PRDM16: variants seen among roughly 807,000 people sequenced by gnomAD.
PRDM16 encodes the protein histone-lysine N-methyltransferase PRDM16.
In PRDM16, 23 loss-of-function variants were observed where a neutral mutation model predicts 110.6. The ratio of observed to expected loss-of-function variants is 0.21; its 90% CI spans 0.15 to 0.29. PRDM16 has a LOEUF of 0.29. Among genes scored for constraint, PRDM16 ranks in the 10% least tolerant of loss-of-function variants. The pLI is 1.00. For synonymous variants in PRDM16, 799 were observed against 781.8 expected (o/e 1.02, Z -0.37); for missense variants, 1,615 against 1,794.3 (o/e 0.90, Z 1.81).
In PRDM16 at chr1:3,238,569, T is replaced by A. The variant is rs77644886; in HGVS notation, c.388-5518T>A. ...TCCCGGTTGAGAGCGCAAGGGTTTGTGTCAACACCAGTGCAGTCTTTGCTC... is the reference window on the plus strand; with the variant it reads ...TCCCGGTTGAGAGCGCAAGGGTTTGAGTCAACACCAGTGCAGTCTTTGCTC... On this transcript the variant is annotated intron_variant, in intron 2 of 16. Coordinates refer to ENST00000270722, the MANE Select transcript of PRDM16 (RefSeq NM_022114.4). Among the ~76,000 whole-genome samples the A allele has an allele frequency of 3.9e-5, 6 of 152,358 alleles. No homozygotes were observed. In the East Asian group the frequency reaches 9.6e-4, roughly 24 times the overall value.
At chr1:3,200,984 A>AG (rs5772098) in intron 2 of PRDM16, among the ~76,000 whole-genome samples, 45,929 of 150,106 alleles carry the variant, frequency 0.31, 8,285 homozygotes, top group East Asian at 0.58. Flanking sequence ...GAGGAAGAGG[A>AG]GGGGGAGGAA....
chr1:3,356,188 C>T (rs537580500), intron 3 of PRDM16, among the ~76,000 whole-genome samples: 146 of 152,348 alleles, frequency 9.6e-4, no homozygotes, highest in Admixed American at 2.6e-3. Context: ...CACACCAGCA[C>T]GCGGGCACAG....
intron 2 of PRDM16, among the ~76,000 whole-genome samples, chr1:3,222,157 A>G (rs1208079303): frequency 6.6e-6 from 1 of 152,148 alleles, no homozygotes; most frequent in Non-Finnish European, 1.5e-5. Context: ...CGTGACCTTG[A>G]GCTCAGGTCC....
intron 5 of PRDM16, among the ~76,000 whole-genome samples, chr1:3,401,892 C>T (rs1255686079): frequency 7.2e-5 from 11 of 152,234 alleles, no homozygotes; most frequent in South Asian, 4.1e-4. Context: ...CAAATATTCA[C>T]GCATGTAGGT....
At chr1:3,337,087 A>T (rs900089162) in intron 3 of PRDM16, among the ~76,000 whole-genome samples, 1 of 150,932 alleles carries the variant, frequency 6.6e-6, no homozygotes, top group African/African-American at 2.4e-5. Context: ...GTGTGAGCGC[A>T]TGCATCCACA....
intron 16 of PRDM16, among the ~76,000 whole-genome samples, chr1:3,432,398 C>G (rs1638793287): frequency 6.6e-6 from 1 of 152,244 alleles, no homozygotes; most frequent in Non-Finnish European, 1.5e-5. Flanking sequence ...GGCAGCTCAC[C>G]TTCCTGTGGT....
chr1:3,152,365 C>CATCCATCCATTT (rs1491274526), intron 1 of PRDM16, among the ~76,000 whole-genome samples: 11 of 148,954 alleles, frequency 7.4e-5, no homozygotes, highest in Non-Finnish European at 1.0e-4. Context: ...TCCATCCATC[C>CATCCATCCATTT]ATCCATCCAT....
At chr1:3,405,358 C>A (rs1643542564) in intron 7 of PRDM16, 137 bp from the exon 8 acceptor site, 1 of 986,854 alleles carries the variant, frequency 1.0e-6, no homozygotes, top group Non-Finnish European at 1.4e-6. Flanking sequence ...CCTGTCCCGG[C>A]CTGCTTGGTG....
intron 2 of PRDM16, among the ~76,000 whole-genome samples, chr1:3,187,127 G>A (rs990337613): frequency 4.6e-5 from 7 of 152,214 alleles, no homozygotes; most frequent in African/African-American, 1.7e-4. Context: ...TGAGAGGGAA[G>A]CACCCGGAGT....
At chr1:3,331,781 G>A (rs977866548) in intron 3 of PRDM16, among the ~76,000 whole-genome samples, 1 of 152,168 alleles carries the variant, frequency 6.6e-6, no homozygotes, top group Non-Finnish European at 1.5e-5. Flanking sequence ...TGTGGGTTAA[G>A]CAACCCCTTG....
chr1:3,330,979 AG>A, intron 3 of PRDM16, among the ~76,000 whole-genome samples: 1 of 152,336 alleles, frequency 6.6e-6, no homozygotes, highest in East Asian at 1.9e-4. Flanking sequence ...TTCAGCTCAC[AG>A]GAAGTGGGCC....
chr1:3,101,306 C>A (rs796531113), intron 1 of PRDM16, among the ~76,000 whole-genome samples: 9 of 152,306 alleles, frequency 5.9e-5, no homozygotes, highest in African/African-American at 9.6e-5. Flanking sequence ...ATGAGGGCCG[C>A]GAGGCAGTGC....
chr1:3,266,929 C>T (rs914933324), intron 3 of PRDM16, among the ~76,000 whole-genome samples: 1 of 152,206 alleles, frequency 6.6e-6, no homozygotes, highest in East Asian at 1.9e-4. Flanking sequence ...CCATCCGCCT[C>T]GACTTCCGAA....
rs141577251 is a variant in PRDM16 at position 3,231,114 on chromosome 1, C to T, written c.388-12973C>T. On this transcript the variant is annotated intron_variant, in intron 2 of 16. Coordinates refer to ENST00000270722, the MANE Select transcript of PRDM16 (RefSeq NM_022114.4). ...GTGCCTCCAATGTAAAAGTCCAGATCATGTATAATTTAGGCTTTCTGTGTC... is the reference window on the plus strand; with the variant it reads ...GTGCCTCCAATGTAAAAGTCCAGATTATGTATAATTTAGGCTTTCTGTGTC... Among the ~76,000 whole-genome samples the T allele has an allele frequency of 2.5e-3, 378 of 152,300 alleles. 1 individual carries two copies. The highest frequency in any genetic ancestry group is 8.2e-3 in the African/African-American group (341 of 41,570).
At chr1:3,280,458 T>A (rs968790151) in intron 3 of PRDM16, among the ~76,000 whole-genome samples, 15 of 152,220 alleles carry the variant, frequency 9.9e-5, no homozygotes, top group African/African-American at 3.4e-4. Flanking sequence ...CCACCCTTAC[T>A]GCCAGCGTCC....
chr1:3,265,991 G>A lies in PRDM16; in HGVS notation c.438+21854G>A, dbSNP rs775197032. On this transcript the variant is annotated intron_variant, in intron 3 of 16. Transcript: ENST00000270722. The surrounding 1 kb of genome is among the most constrained non-coding windows in gnomAD (Gnocchi z 4.5). ...AACTCAAGGGCCGCCCTCCAGCCTAGCGACGCCACCTGGCCCCTCTTTCCA... is the reference window on the plus strand; with the variant it reads ...AACTCAAGGGCCGCCCTCCAGCCTAACGACGCCACCTGGCCCCTCTTTCCA... 3.3e-5 allele frequency among the ~76,000 whole-genome samples: 5 copies of A among 152,182 alleles called. No homozygotes were observed. Among genetic ancestry groups the A allele is most frequent in the Non-Finnish European group, 7.4e-5 (5 of 68,018 alleles).
intron 1 of PRDM16, among the ~76,000 whole-genome samples, chr1:3,121,109 G>A (rs991999809): frequency 1.3e-5 from 2 of 152,124 alleles, no homozygotes; most frequent in Non-Finnish European, 2.9e-5. Context: ...AGGCAGGGCT[G>A]AGGAGTCAGC....
At position 3,382,838 on chromosome 1, in the gene PRDM16, A is replaced by G. The variant is rs1643125500; in HGVS notation, c.439-2314A>G. On this transcript the variant is annotated intron_variant, in intron 3 of 16. Transcript: ENST00000270722. This position sits in a 1 kb window ranked among gnomAD's most constrained non-coding sequence, Gnocchi z 6.6. Reference sequence around the variant, plus strand: ...CCTCAGCCCACAGGCACTGTGTACAATGTGCTGTGACGTCAGCAGGCCTCT... The same window carrying G: ...CCTCAGCCCACAGGCACTGTGTACAGTGTGCTGTGACGTCAGCAGGCCTCT... 1.3e-5 allele frequency among the ~76,000 whole-genome samples: 2 copies of G among 152,296 alleles called. No individual in the cohort carries two copies. The highest frequency in any genetic ancestry group is 2.4e-5 in the African/African-American group (1 of 41,574).
intron 1 of PRDM16, among the ~76,000 whole-genome samples, chr1:3,165,567 T>TCAGGGACAGGGACTCACCTGGGCC (rs1557495887): frequency 2.0e-4 from 22 of 111,094 alleles, no homozygotes; most frequent in African/African-American, 1.1e-3. Context: ...TCACCAGGGC[T>TCAGGGACAGGGACTCACCTGGGCC]CAGGGACAGG....
Sources: allele counts gnomAD v4.1 joint callset (sites outside exome capture counted in the v4.1 genomes callset), GRCh38; gene constraint gnomAD v4.1.1; non-coding constraint Gnocchi (gnomAD v3.1); transcripts MANE v1.5; gene names NCBI Gene and HGNC (gene_info 2026-07-23, HGNC 2026-07-21).